Variants in ABCB11 observed in about 807,000 individuals in gnomAD.
The protein encoded by ABCB11 is bile salt export pump.
A neutral mutation model predicts 148.0 loss-of-function variants in ABCB11; 95 were observed. That is an observed-to-expected ratio of 0.64 (90% confidence interval 0.54 to 0.76). ABCB11 has a LOEUF of 0.76. Among genes scored for constraint, ABCB11 ranks in the 30% least tolerant of loss-of-function variants. The pLI, the probability that ABCB11 is intolerant of heterozygous loss-of-function variation, is 0.00. For synonymous variants in ABCB11, 591 were observed against 555.4 expected, an observed-to-expected ratio of 1.06 and a Z score of -0.90; for missense variants, 1,523 against 1,617.8, an observed-to-expected ratio of 0.94 and a Z score of 1.01.
Position 169,016,665 on chromosome 2 carries a change from T to C in ABCB11, c.98+113A>G, listed in dbSNP as rs879156903. On this transcript the variant is annotated intron_variant, in intron 3 of 27. Coordinates refer to ENST00000650372, the MANE Select transcript of ABCB11 (RefSeq NM_003742.4). ...GAGAAAAAGAATGGATTGTATATAT[T>C]ATTTTATATGAAGTGCAATGTGCAT... 4 of 833,526 alleles carry C rather than the reference T, an allele frequency of 4.8e-6. No individual in the cohort carries two copies. The South Asian group carries it at 4.9e-5, about 10-fold the overall frequency. The allele number at this position is 833,526 out of a possible 1,614,324, so 51.6% of individuals were successfully genotyped here.
intron 21 of ABCB11, among the ~76,000 whole-genome samples, chr2:168,941,895 T>C (rs1405082264): frequency 6.6e-6 from 1 of 152,064 alleles, no homozygotes; most frequent in Non-Finnish European, 1.5e-5. Flanking sequence ...GAATACAGTA[T>C]AGTGTAAACA....
Position 168,923,520 on chromosome 2 carries a change from GA to G in ABCB11, c.*101del, listed in dbSNP as rs2105872958. On this transcript the variant is annotated 3_prime_UTR_variant, in exon 28 of 28. Coordinates refer to ENST00000650372, the MANE Select transcript of ABCB11 (RefSeq NM_003742.4). ...TAAAATATTAACATTCTTCTTTAAA[GA>G]AAAAACAATCCCAGCAATCCCTCCT... 4 of 1,070,654 alleles carry G rather than the reference GA, an allele frequency of 3.7e-6. No homozygotes were observed. Among genetic ancestry groups the G allele is most frequent in the Admixed American group, 2.6e-5 (1 of 38,626 alleles). The allele number at this position is 1,070,654 out of a possible 1,614,324, so 66.3% of individuals were successfully genotyped here.
intron 3 of ABCB11, among the ~76,000 whole-genome samples, chr2:169,014,597 G>A (rs2106050467): frequency 6.6e-6 from 1 of 152,262 alleles, no homozygotes; most frequent in East Asian, 1.9e-4. Flanking sequence ...CACCTGAGAG[G>A]TATGGAGAGA....
At chr2:169,019,195 A>G (rs1220914079) in intron 1 of ABCB11, among the ~76,000 whole-genome samples, 1 of 152,198 alleles carries the variant, frequency 6.6e-6, no homozygotes, top group Non-Finnish European at 1.5e-5. Context: ...TATTACATAC[A>G]TATATACACA....
chr2:168,971,306 C>G (rs76507907), intron 14 of ABCB11, among the ~76,000 whole-genome samples: 3,918 of 152,106 alleles, frequency 0.026, 156 homozygotes, highest in African/African-American at 0.09. Context: ...TTTATAATAA[C>G]TCTTCTTTGA....
At chr2:168,972,972 T>A (rs974537824) in intron 13 of ABCB11, among the ~76,000 whole-genome samples, 36 of 152,048 alleles carry the variant, frequency 2.4e-4, no homozygotes, top group Non-Finnish European at 1.0e-4. Flanking sequence ...TAAGTAATCA[T>A]TTTAATAAAG....
chr2:168,974,453 G>A (rs530266417), intron 12 of ABCB11, among the ~76,000 whole-genome samples: 4 of 152,108 alleles, frequency 2.6e-5, no homozygotes, highest in African/African-American at 7.2e-5. Flanking sequence ...CCAATTAAGA[G>A]GTGATTTTTG....
chr2:168,978,039 C>T (rs1358332953), intron 11 of ABCB11, among the ~76,000 whole-genome samples: 2 of 151,128 alleles, frequency 1.3e-5, no homozygotes, highest in Non-Finnish European at 2.9e-5. Flanking sequence ...TTTTTAAATG[C>T]CTTAATTTTT....
intron 17 of ABCB11, among the ~76,000 whole-genome samples, chr2:168,967,972 G>A (rs929058531): frequency 6.6e-6 from 1 of 152,028 alleles, no homozygotes; most frequent in East Asian, 1.9e-4. Flanking sequence ...GTTATGGAAT[G>A]ATTTGACTTC....
In ABCB11 at chr2:168,944,726, C is replaced by G. The variant is rs747266011; in HGVS notation, c.2489G>C (p.Arg830Thr). The change falls in exon 21 of 28, where the codon AGG becomes ACG. Residue 830 changes from arginine (R) to threonine (T), a missense_variant. By Grantham distance (71) the Arg-to-Thr change is moderately conservative. Coordinates refer to ENST00000650372, the MANE Select transcript of ABCB11 (RefSeq NM_003742.4). Reference protein sequence around the residue: ...FAKSGELLTKRLRKFGFRAML... With the variant: ...FAKSGELLTKTLRKFGFRAML... Reference sequence around the variant, plus strand: ...TGCCCTGAAACCAAATTTACGTAGCCTTTTTGTTAGGAGCTCCCCAGATTT... The same window carrying G: ...TGCCCTGAAACCAAATTTACGTAGCGTTTTTGTTAGGAGCTCCCCAGATTT... The G allele has an allele frequency of 7.4e-6, 12 of 1,612,628 alleles. No individual in the cohort carries two copies. Among genetic ancestry groups the G allele is most frequent in the Middle Eastern group, 1.6e-4 (1 of 6,072 alleles).
intron 18 of ABCB11, among the ~76,000 whole-genome samples, chr2:168,962,352 T>C (rs1693116618): frequency 6.6e-6 from 1 of 151,714 alleles, no homozygotes; most frequent in Admixed American, 6.6e-5. Context: ...TATGAAACAT[T>C]TTAATCTCTG....
intron 1 of ABCB11, among the ~76,000 whole-genome samples, chr2:169,019,322 T>G (rs1222821769): frequency 6.6e-6 from 1 of 152,132 alleles, no homozygotes; most frequent in Non-Finnish European, 1.5e-5. Flanking sequence ...AAGAGATAAT[T>G]GCTAAGAATT....
Position 168,973,627 on chromosome 2 carries a change from T to C in ABCB11, c.1434+88A>G, listed in dbSNP as rs1390521547. 1.0e-5 allele frequency: 15 copies of C among 1,485,390 alleles called. No homozygotes were observed. In the East Asian group the frequency reaches 2.1e-4, roughly 21 times the overall value. 92.0% of individuals were successfully genotyped at this position (1,485,390 alleles called of 1,614,324 possible). A position where few individuals can be genotyped will look rare whatever the true frequency, so the allele number is the denominator to read the frequency against. On this transcript the variant is annotated intron_variant, in intron 13 of 27. Coordinates refer to ENST00000650372, the MANE Select transcript of ABCB11 (RefSeq NM_003742.4). ...ACTATGCATGCCAGGACAGTCTCAA[T>C]GTATGCTACACCTTTCTGTTTGATC...
chr2:168,993,936 C>A, intron 7 of ABCB11, 54 bp from the exon 8 acceptor site: 1 of 1,419,950 alleles, frequency 7.0e-7, no homozygotes, highest in Non-Finnish European at 9.7e-7. Flanking sequence ...ATTCAAATAT[C>A]TTGCTGAAAG....
intron 9 of ABCB11, among the ~76,000 whole-genome samples, chr2:168,986,959 T>G (rs1694346942): frequency 6.6e-6 from 1 of 152,176 alleles, no homozygotes; most frequent in Non-Finnish European, 1.5e-5. Context: ...GGAGAACTTT[T>G]AACCTTTTGC....
At chr2:168,935,477 C>T (rs1052706549) in intron 22 of ABCB11, 52 bp from the exon 23 acceptor site, 14 of 1,561,264 alleles carry the variant, frequency 9.0e-6, no homozygotes, top group Middle Eastern at 1.7e-4. Context: ...TAACTCCTTT[C>T]GTGACATTTC....
At chr2:168,942,614 T>C (rs1692120769) in intron 21 of ABCB11, among the ~76,000 whole-genome samples, 3 of 151,862 alleles carry the variant, frequency 2.0e-5, no homozygotes, top group Non-Finnish European at 4.4e-5. Context: ...AGAGTGTAAT[T>C]GGATTGTTTG....
rs11568375 is a variant in ABCB11, at chr2:169,016,815, AT to A, written c.77-17del. On this transcript the variant is annotated splice_polypyrimidine_tract_variant and intron_variant, in intron 2 of 27. Coordinates refer to ENST00000650372, the MANE Select transcript of ABCB11 (RefSeq NM_003742.4). The stretch of plus-strand genomic sequence containing the variant: ...TCATTATTATCTGTCAGAAAAAAAA[AT>A]CAACGCAAAAAAGCAGTTAATAATA... 4,370 of 1,581,258 alleles carry A rather than the reference AT, an allele frequency of 2.8e-3. 64 individuals are homozygous for A. The African/African-American group carries it at 0.035, about 13-fold the overall frequency.
chr2:169,019,889 A>G (rs1478859224), intron 1 of ABCB11, among the ~76,000 whole-genome samples: 2 of 152,214 alleles, frequency 1.3e-5, no homozygotes, highest in Non-Finnish European at 2.9e-5. Flanking sequence ...CAGCATCTTT[A>G]CAGACATTCA....
Sources: gnomAD v4.1 joint callset for allele counts (sites outside exome capture counted in the v4.1 genomes callset) on GRCh38, gnomAD v4.1.1 for gene constraint, MANE v1.5 for transcripts, NCBI Gene and HGNC (gene_info 2026-07-23, HGNC 2026-07-21) for gene names.